The following PLA2G4D variants were observed in gnomAD, a reference collection of about 807,000 sequenced individuals.
The protein encoded by PLA2G4D is cytosolic phospholipase A2 delta.
A neutral mutation model predicts 94.4 loss-of-function variants in PLA2G4D; 80 were observed. That is an observed-to-expected ratio of 0.85 (90% CI 0.71 to 1.02). PLA2G4D has a LOEUF of 1.02. Ranked by LOEUF, PLA2G4D falls within the 50% of genes least tolerant of loss-of-function variation. The probability of loss-of-function intolerance (pLI) is 0.00; values close to 1 mark genes in which losing one functional copy is unlikely to be tolerated. For missense variants in PLA2G4D, 1,050 were observed against 1,034.7 expected, an observed-to-expected ratio of 1.01 and a Z score of -0.20; for synonymous variants, 438 against 440.9, an observed-to-expected ratio of 0.99 and a Z score of 0.08.
At chr15:42,081,704 C>G (rs1890042550) in intron 10 of PLA2G4D, 90 bp from the exon 11 acceptor site, 10 of 1,611,738 alleles carry the variant, frequency 6.2e-6, no homozygotes, top group Non-Finnish European at 8.5e-6. Context: ...CAAAGAAGCC[C>G]TCTCCTCCAA....
At chr15:42,074,970 T>G (rs957463796) in intron 13 of PLA2G4D, among the ~76,000 whole-genome samples, 1 of 152,132 alleles carries the variant, frequency 6.6e-6, no homozygotes, top group Non-Finnish European at 1.5e-5. Context: ...AAAGCCCAGG[T>G]TGGAATGCAG....
In PLA2G4D at chr15:42,085,185, T is replaced by C. The variant is rs1214878454; in HGVS notation, c.429-47A>G. 2.5e-6 allele frequency: 4 copies of C among 1,609,096 alleles called. No homozygotes were observed. In the African/African-American group the frequency reaches 4.0e-5, roughly 16 times the overall value. The stretch of plus-strand genomic sequence containing the variant: ...AAGGCAAACGCTTCCTGCATTGACC[T>C]CCCGCTCCCGCCCATGTGGGGTCTC... On this transcript the variant is annotated intron_variant, in intron 5 of 19. Transcript: ENST00000290472.
rs751469539 is a variant in PLA2G4D, at chr15:42,079,603, C to T, written c.1251G>A (p.Glu417=). The T allele has an allele frequency of 1.2e-6, 2 of 1,610,890 alleles. No homozygotes were observed. The highest frequency in any genetic ancestry group is 1.7e-6 in the Non-Finnish European group (2 of 1,179,000). ...SYRRELELRA[E]QGHPTTFVDL... is the part of the protein sequence containing the mutation. ...CCACAAAGGTCGTGGGGTGGCCCTGCTCAGCCCGCAGCTCCAGCTCCCGGC... is the reference window on the plus strand; with the variant it reads ...CCACAAAGGTCGTGGGGTGGCCCTGTTCAGCCCGCAGCTCCAGCTCCCGGC... Residue 417 remains glutamate, a synonymous_variant, in exon 13 of 20, where the codon GAG becomes GAA. Coordinates refer to ENST00000290472, the MANE Select transcript of PLA2G4D (RefSeq NM_178034.4).
chr15:42,092,173 C>A (rs1890257120), intron 1 of PLA2G4D, among the ~76,000 whole-genome samples: 1 of 152,186 alleles, frequency 6.6e-6, no homozygotes. Flanking sequence ...CTTTATTTAT[C>A]CTCCCACAGC....
rs753411019 is a variant in PLA2G4D at position 42,085,090 on chromosome 15, G to A, written c.471+6C>T. The A allele has an allele frequency of 6.2e-7, 1 of 1,614,160 alleles. No individual in the cohort carries two copies. The highest frequency in any genetic ancestry group is 8.5e-7 in the Non-Finnish European group (1 of 1,180,006). On this transcript the variant is annotated splice_donor_region_variant and intron_variant, in intron 6 of 19. Coordinates refer to ENST00000290472, the MANE Select transcript of PLA2G4D (RefSeq NM_178034.4). ...CCCCTCCCCTAAGCCTGGGGAAGGT[G>A]CTTACCACAATGACTTTGTTGGTGA...
chr15:42,083,600 A>G (rs1890084331), intron 7 of PLA2G4D, 116 bp downstream of exon 7: 2 of 1,309,590 alleles, frequency 1.5e-6, no homozygotes, highest in African/African-American at 2.9e-5. Context: ...TGTGGGTGAG[A>G]AGAGAGAGGC....
chr15:42,079,785 T>G (rs775282416), intron 12 of PLA2G4D, 26 bp from the exon 13 acceptor site: 4 of 1,587,446 alleles, frequency 2.5e-6, no homozygotes, highest in East Asian at 2.3e-5. Context: ...GACAGAACAG[T>G]AGGAGCCCGA....
chr15:42,070,275 G>C (rs1029105876), intron 18 of PLA2G4D, 180 bp from the exon 19 acceptor site: 22 of 596,964 alleles, frequency 3.7e-5, no homozygotes, highest in Non-Finnish European at 5.5e-5. Flanking sequence ...GGACTCTGGT[G>C]GTCTGCAATG....
In PLA2G4D at chr15:42,079,634, C is replaced by T. The variant is rs542084472; in HGVS notation, c.1220G>A (p.Ser407Asn). Residue 407 changes from serine to asparagine, a missense_variant, in exon 13 of 20, where the codon AGC becomes AAC. Physicochemically the swap from Ser to Asn is conservative, Grantham distance 46 (BLOSUM62 1). Transcript: ENST00000290472. Reference sequence around the variant, plus strand: ...CCGCAGCTCCAGCTCCCGGCGGTAGCTCGCCAGGCGCTCTGGGGAAAAGAC... The same window carrying T: ...CCGCAGCTCCAGCTCCCGGCGGTAGTTCGCCAGGCGCTCTGGGGAAAAGAC... ...LEVFSPERLA[S>N]YRRELELRAE... 6 of 1,612,256 alleles carry T rather than the reference C, an allele frequency of 3.7e-6. No individual in the cohort carries two copies. The highest frequency in any genetic ancestry group is 2.2e-5 in the East Asian group (1 of 44,798).
chr15:42,077,939 C>T (rs571200070), intron 13 of PLA2G4D, among the ~76,000 whole-genome samples: 121 of 152,368 alleles, frequency 7.9e-4, no homozygotes, highest in African/African-American at 2.9e-3. Flanking sequence ...GGGCTGAAAG[C>T]ACCTCTCTGT....
In PLA2G4D at chr15:42,070,112, G is replaced by A; in HGVS notation, c.2044-17C>T. ...CTGCAGTGCCTGGTGGGGAGAAGGT[G>A]GCCCGGAGAGAACCAGCCCGGCCCA... On this transcript the variant is annotated splice_polypyrimidine_tract_variant and intron_variant, in intron 18 of 19. Coordinates refer to ENST00000290472, the MANE Select transcript of PLA2G4D (RefSeq NM_178034.4). The A allele has an allele frequency of 6.7e-7, 1 of 1,482,274 alleles. No individual in the cohort carries two copies. The highest frequency in any genetic ancestry group is 1.3e-5 in the South Asian group (1 of 74,278). 91.8% of individuals were successfully genotyped at this position (1,482,274 alleles called of 1,614,324 possible). A position where few individuals can be genotyped will look rare whatever the true frequency, so the allele number is the denominator to read the frequency against.
chr15:42,072,061 T>A, intron 14 of PLA2G4D, 150 bp from the exon 15 acceptor site: 6 of 1,139,212 alleles, frequency 5.3e-6, no homozygotes, highest in Non-Finnish European at 7.5e-6. Flanking sequence ...TGGGCAGTCC[T>A]GGACTGACCA....
intron 6 of PLA2G4D, 68 bp from the exon 7 acceptor site, chr15:42,083,847 T>G: frequency 6.6e-7 from 1 of 1,506,682 alleles, no homozygotes. Context: ...ACCTCAACCC[T>G]CTGAGACCCA....
chr15:42,083,333 A>T lies in PLA2G4D; in HGVS notation c.537T>A (p.Asp179Glu), dbSNP rs1291728268. ...DSTGSTAVVA[D>E]QDKLELELVL... is the part of the protein sequence containing the mutation. ...CCAGCTCCAGCTCCAGCTTGTCCTG[A>T]TCTAGGGAGAGAGTAGGCGGGTTAG... The change falls in exon 8 of 20, where the codon GAT becomes GAA. Residue 179 changes from aspartate (D) to glutamate (E), a missense_variant and splice_region_variant. Coordinates refer to ENST00000290472, the MANE Select transcript of PLA2G4D (RefSeq NM_178034.4). The T allele has an allele frequency of 6.2e-7, 1 of 1,612,396 alleles. No homozygotes were observed. Among genetic ancestry groups the T allele is most frequent in the South Asian group, 1.1e-5 (1 of 90,882 alleles).
At chr15:42,074,192 C>T (rs967587069) in intron 13 of PLA2G4D, among the ~76,000 whole-genome samples, 1 of 152,148 alleles carries the variant, frequency 6.6e-6, no homozygotes, top group African/African-American at 2.4e-5. Flanking sequence ...TCAGCACACC[C>T]CTCCATCTAC....
At chr15:42,073,400 C>G (rs563288628) in intron 13 of PLA2G4D, among the ~76,000 whole-genome samples, 112 of 152,320 alleles carry the variant, frequency 7.4e-4, no homozygotes, top group African/African-American at 2.6e-3. Context: ...CTATGCTGAG[C>G]TAGAATTGCA....
rs1166439264 is a variant in PLA2G4D, at chr15:42,067,041, G to C, written c.*1674C>G. On this transcript the variant is annotated 3_prime_UTR_variant, in exon 20 of 20. Coordinates refer to ENST00000290472, the MANE Select transcript of PLA2G4D (RefSeq NM_178034.4). ...CCATATCACTGTTAAAAAAATAAGA[G>C]TCCATGATAAAGGGAAAAAGTGAAG... The C allele has an allele frequency of 6.6e-6, 1 of 152,116 alleles. No individual in the cohort carries two copies. Among genetic ancestry groups the C allele is most frequent in the Non-Finnish European group, 1.5e-5 (1 of 68,032 alleles). 9.4% of individuals were successfully genotyped at this position (152,116 alleles called of 1,614,324 possible).
At chr15:42,076,822 A>T (rs546339536) in intron 13 of PLA2G4D, among the ~76,000 whole-genome samples, 24 of 152,354 alleles carry the variant, frequency 1.6e-4, no homozygotes, top group African/African-American at 5.3e-4. Flanking sequence ...AGGTGCACAA[A>T]CCCAGTGGCC....
At chr15:42,074,022 G>A (rs550671557) in intron 13 of PLA2G4D, among the ~76,000 whole-genome samples, 1 of 152,296 alleles carries the variant, frequency 6.6e-6, no homozygotes, top group Non-Finnish European at 1.5e-5. Flanking sequence ...GGTGGTGTAC[G>A]TACGAGTCAG....
Sources: allele counts gnomAD v4.1 joint callset (sites outside exome capture counted in the v4.1 genomes callset), GRCh38; gene constraint gnomAD v4.1.1; transcripts MANE v1.5; gene names NCBI Gene and HGNC (gene_info 2026-07-23, HGNC 2026-07-21).